Variants in TENM3 observed in about 807,000 individuals in gnomAD.
TENM3 encodes the protein teneurin-3.
Under a neutral mutation model 255.1 loss-of-function variants are expected in TENM3, and 63 were observed. The observed-to-expected ratio is 0.25, with a 90% CI of 0.20 to 0.30. The LOEUF (loss-of-function observed/expected upper bound fraction) is 0.30, where lower values mean the gene tolerates loss of function less well. TENM3 is among the 10% of genes least tolerant of loss of function. The pLI, the probability that TENM3 is intolerant of heterozygous loss-of-function variation, is 1.00. For synonymous variants in TENM3, 1,306 were observed against 1,322.3 expected (o/e 0.99, Z 0.27); for missense variants, 2,929 against 3,461.1 (o/e 0.85, Z 3.86).
the TENM3 span, among the ~76,000 whole-genome samples, chr4:181,883,514 G>A: frequency 0.014 from 2,188 of 152,190 alleles, 58 homozygotes; most frequent in African/African-American, 0.05. Flanking sequence ...TCTGTCTGTC[G>A]CCCAGGCTGG....
At chr4:181,886,677 G>T in the TENM3 span, among the ~76,000 whole-genome samples, 2 of 151,886 alleles carry the variant, frequency 1.3e-5, no homozygotes, top group African/African-American at 4.8e-5. Flanking sequence ...AATCTCTTAG[G>T]TTTTTTTCTA....
At chr4:181,850,210 AT>A in the TENM3 span, among the ~76,000 whole-genome samples, 1 of 150,342 alleles carries the variant, frequency 6.7e-6, no homozygotes, top group Non-Finnish European at 1.5e-5. Flanking sequence ...CTCAATTCTC[AT>A]TTTTCTCCTA....
the TENM3 span, among the ~76,000 whole-genome samples, chr4:182,049,318 T>C: frequency 6.6e-6 from 1 of 152,102 alleles, no homozygotes; most frequent in Non-Finnish European, 1.5e-5. Flanking sequence ...GAATCAGTAC[T>C]CCCTCTTCTG....
the TENM3 span, among the ~76,000 whole-genome samples, chr4:182,028,043 G>C: frequency 6.6e-6 from 1 of 152,124 alleles, no homozygotes; most frequent in Non-Finnish European, 1.5e-5. Context: ...GAATAGGATT[G>C]ATATTACTTC....
the TENM3 span, among the ~76,000 whole-genome samples, chr4:181,964,338 C>G: frequency 6.6e-6 from 1 of 152,108 alleles, no homozygotes; most frequent in Non-Finnish European, 1.5e-5. Context: ...GCTTTTAGAA[C>G]TTCAATCTCC....
chr4:181,859,112 C>A, the TENM3 span, among the ~76,000 whole-genome samples: 1 of 151,448 alleles, frequency 6.6e-6, no homozygotes, highest in African/African-American at 2.4e-5. Context: ...TTTTTGGCCA[C>A]GCGCCTGTAG....
intron 3 of TENM3, among the ~76,000 whole-genome samples, chr4:182,374,174 C>T (rs1767026654): frequency 1.3e-5 from 2 of 152,242 alleles, no homozygotes; most frequent in South Asian, 2.1e-4. Flanking sequence ...GTCCATCATT[C>T]AGATATCCCT....
chr4:182,800,213 G>T lies in TENM3; in HGVS notation c.7962G>T (p.Glu2654Asp), dbSNP rs764094058. Residue 2654 changes from glutamate to aspartate, a missense_variant, in exon 28 of 28, where the codon GAG becomes GAT. Glu to Asp is a conservative substitution (Grantham distance 45). Coordinates refer to ENST00000511685, the MANE Select transcript of TENM3 (RefSeq NM_001080477.4). ...GCGCGCGCCTCTGGACGGAGGGCGA[G>T]AAGCGGCAGCTGCTGAGCGCCGGCA... ...EEGARLWTEG[E>D]KRQLLSAGKV... is the part of the protein sequence containing the mutation. The T allele has an allele frequency of 1.9e-6, 3 of 1,591,310 alleles. No homozygotes were observed. Among genetic ancestry groups the T allele is most frequent in the South Asian group, 2.2e-5 (2 of 90,102 alleles).
chr4:182,538,194 T>C (rs907595306), intron 3 of TENM3, among the ~76,000 whole-genome samples: 16 of 152,194 alleles, frequency 1.1e-4, no homozygotes, highest in African/African-American at 3.9e-4. Context: ...CAGGAAGAGT[T>C]TGAAGAAACA....
intron 1 of TENM3, among the ~76,000 whole-genome samples, chr4:182,288,095 A>C (rs1187452765): frequency 6.7e-6 from 1 of 150,232 alleles, no homozygotes; most frequent in African/African-American, 2.5e-5. Flanking sequence ...GCACCACCAC[A>C]CCGGCTAATT....
chr4:182,161,411 G>C (rs1192919717), intron 1 of TENM3, among the ~76,000 whole-genome samples: 4 of 34,264 alleles, frequency 1.2e-4, no homozygotes, highest in Admixed American at 5.7e-4. Context: ...GCGAGACTCC[G>C]TCTCAAAAAA....
the TENM3 span, among the ~76,000 whole-genome samples, chr4:181,884,611 G>C: frequency 1.3e-5 from 2 of 152,210 alleles, no homozygotes; most frequent in South Asian, 4.1e-4. Flanking sequence ...AGGTTCATCC[G>C]TGTTGTAGCA....
At chr4:182,339,263 A>G (rs984098215) in intron 2 of TENM3, among the ~76,000 whole-genome samples, 1 of 152,234 alleles carries the variant, frequency 6.6e-6, no homozygotes, top group African/African-American at 2.4e-5. Flanking sequence ...TTTAGAGATC[A>G]AAATGATTAA....
chr4:181,599,785 C>T, the TENM3 span, among the ~76,000 whole-genome samples: 1 of 152,046 alleles, frequency 6.6e-6, no homozygotes. Flanking sequence ...TTAAATAATA[C>T]TTGCTTCATC....
intron 3 of TENM3, among the ~76,000 whole-genome samples, chr4:182,457,140 G>A (rs1180159295): frequency 2.7e-5 from 4 of 149,536 alleles, no homozygotes; most frequent in Non-Finnish European, 5.9e-5. Flanking sequence ...AGCCGAGATT[G>A]TGCCACTGCA....
At chr4:181,719,985 C>T in the TENM3 span, among the ~76,000 whole-genome samples, 1 of 152,282 alleles carries the variant, frequency 6.6e-6, no homozygotes, top group East Asian at 1.9e-4. Flanking sequence ...TCATGCAATG[C>T]CTCTACTGTG....
At chr4:181,497,357 A>G in the TENM3 span, among the ~76,000 whole-genome samples, 1 of 152,144 alleles carries the variant, frequency 6.6e-6, no homozygotes, top group East Asian at 1.9e-4. Flanking sequence ...ACTACCCTAT[A>G]GAAGATGCAT....
chr4:182,364,833 C>G (rs1480747128), intron 3 of TENM3, among the ~76,000 whole-genome samples: 3 of 152,164 alleles, frequency 2.0e-5, no homozygotes, highest in Non-Finnish European at 4.4e-5. Context: ...TGTTGGACAT[C>G]CAGGTTTGAA....
At chr4:182,159,435 A>T (rs1750940512) in intron 1 of TENM3, among the ~76,000 whole-genome samples, 1 of 140,454 alleles carries the variant, frequency 7.1e-6, no homozygotes, top group Non-Finnish European at 1.5e-5. Flanking sequence ...TGAGCAATGG[A>T]TAGTGTGTAT....
Sources: allele counts gnomAD v4.1 joint callset (sites outside exome capture counted in the v4.1 genomes callset), GRCh38; gene constraint gnomAD v4.1.1; transcripts MANE v1.5; gene names NCBI Gene and HGNC (gene_info 2026-07-23, HGNC 2026-07-21).